DPP6: variants seen among roughly 807,000 people sequenced by gnomAD.
DPP6 encodes A-type potassium channel modulatory protein DPP6.
In DPP6, 69 loss-of-function variants were observed where a neutral mutation model predicts 122.6. The observed-to-expected ratio is 0.56, with a 90% CI of 0.46 to 0.69. The LOEUF (loss-of-function observed/expected upper bound fraction) is 0.69, where lower values mean the gene tolerates loss of function less well. Ranked by LOEUF, DPP6 falls within the 30% of genes least tolerant of loss-of-function variation. DPP6 has a pLI of 0.00. For missense variants in DPP6, 928 were observed against 1,116.9 expected (o/e 0.83, Z 2.41); for synonymous variants, 418 against 433.1 (o/e 0.97, Z 0.43).
chr7:154,000,728 T>C (rs1465052172), intron 1 of DPP6, among the ~76,000 whole-genome samples: 4 of 151,946 alleles, frequency 2.6e-5, no homozygotes, highest in African/African-American at 4.8e-5. Context: ...TACTTATGGG[T>C]GCCAGCTGCT....
the DPP6 span, among the ~76,000 whole-genome samples, chr7:153,811,540 C>A: frequency 6.6e-6 from 1 of 152,178 alleles, no homozygotes; most frequent in Non-Finnish European, 1.5e-5. Context: ...TCTTCAGGGA[C>A]CCTCTGCCAG....
chr7:153,970,550 A>G (rs1221541208), intron 1 of DPP6, among the ~76,000 whole-genome samples: 1 of 152,094 alleles, frequency 6.6e-6, no homozygotes, highest in Non-Finnish European at 1.5e-5. Flanking sequence ...GTCATACTCT[A>G]TTTAAGAAAG....
At chr7:154,093,598 CCA>C in intron 1 of DPP6, 2 of 133,114 alleles carry the variant, frequency 1.5e-5, no homozygotes, top group Non-Finnish European at 3.4e-5. Context: ...ACACCATACC[CCA>C]CACACACACC....
chr7:154,315,058 G>A (rs1228007627), intron 1 of DPP6, among the ~76,000 whole-genome samples: 2 of 152,156 alleles, frequency 1.3e-5, no homozygotes, highest in Admixed American at 6.5e-5. Context: ...TGAGTAATTC[G>A]TTATTTAATG....
At chr7:153,846,268 T>A in the DPP6 span, among the ~76,000 whole-genome samples, 1 of 152,234 alleles carries the variant, frequency 6.6e-6, no homozygotes, top group Non-Finnish European at 1.5e-5. Context: ...AATTAATTAT[T>A]CCCAGAAGTG....
At chr7:154,053,138 G>T in intron 1 of DPP6, 75 bp downstream of exon 1, 3 of 781,416 alleles carry the variant, frequency 3.8e-6, no homozygotes, top group Non-Finnish European at 4.7e-6. Flanking sequence ...GTCGGCAGGG[G>T]AAATTTTTTT....
At chr7:154,126,309 CT>C (rs769825045) in intron 1 of DPP6, among the ~76,000 whole-genome samples, 1 of 152,074 alleles carries the variant, frequency 6.6e-6, no homozygotes, top group Non-Finnish European at 1.5e-5. Context: ...GGAAATCGAC[CT>C]TTAAGTAGGG....
chr7:154,238,242 G>A (rs947829667), intron 1 of DPP6, among the ~76,000 whole-genome samples: 39 of 152,198 alleles, frequency 2.6e-4, no homozygotes, highest in African/African-American at 9.4e-4. Context: ...TGCTCAGGCA[G>A]TGTTTGATGG....
At chr7:154,064,121 G>A (rs1298042371) in intron 1 of DPP6, among the ~76,000 whole-genome samples, 3 of 152,138 alleles carry the variant, frequency 2.0e-5, no homozygotes, top group Non-Finnish European at 4.4e-5. Flanking sequence ...ACAGAGCCCT[G>A]CTGCAGGGAG....
chr7:153,936,379 C>T (rs1031914931), intron 1 of DPP6, among the ~76,000 whole-genome samples: 3 of 152,162 alleles, frequency 2.0e-5, no homozygotes, highest in Non-Finnish European at 4.4e-5. Context: ...GGGTGGGGAA[C>T]GTCCTGCAGC....
intron 3 of DPP6, among the ~76,000 whole-genome samples, chr7:154,479,037 T>A (rs1435215700): frequency 6.6e-6 from 1 of 152,218 alleles, no homozygotes; most frequent in Non-Finnish European, 1.5e-5. Flanking sequence ...GAGTTAACAG[T>A]CTGGAACTAA....
intron 1 of DPP6, among the ~76,000 whole-genome samples, chr7:154,188,298 T>C (rs1302289448): frequency 6.6e-6 from 1 of 152,002 alleles, no homozygotes; most frequent in African/African-American, 2.4e-5. Context: ...ATGAAACAAG[T>C]GAAAAAAATA....
At chr7:154,144,091 C>T (rs1434408228) in intron 1 of DPP6, among the ~76,000 whole-genome samples, 2 of 151,898 alleles carry the variant, frequency 1.3e-5, no homozygotes, top group African/African-American at 4.8e-5. Flanking sequence ...TTAATTGTTG[C>T]CAACCTAATA....
intron 3 of DPP6, among the ~76,000 whole-genome samples, chr7:154,485,613 C>G (rs1249388584): frequency 1.3e-5 from 2 of 152,218 alleles, no homozygotes; most frequent in African/African-American, 4.8e-5. Flanking sequence ...GCTTAAACTT[C>G]TGCAAAAGTT....
At chr7:154,340,838 G>A (rs1239108476) in intron 1 of DPP6, among the ~76,000 whole-genome samples, 1 of 152,156 alleles carries the variant, frequency 6.6e-6, no homozygotes, top group East Asian at 1.9e-4. Context: ...ACTTGCTTGA[G>A]GTCTTCTAGG....
the DPP6 span, among the ~76,000 whole-genome samples, chr7:153,789,461 G>T: frequency 6.6e-6 from 1 of 152,080 alleles, no homozygotes; most frequent in African/African-American, 2.4e-5. Flanking sequence ...AATACCTAAT[G>T]AGGTAGTCAG....
the DPP6 span, among the ~76,000 whole-genome samples, chr7:153,798,194 T>C: frequency 6.6e-6 from 1 of 152,184 alleles, no homozygotes. Context: ...CTCACCTTCA[T>C]GACCTCGTCT....
At chr7:154,026,571 G>A (rs568644341) in intron 1 of DPP6, 1 of 152,252 alleles carries the variant, frequency 6.6e-6, no homozygotes, top group South Asian at 2.1e-4. Context: ...CTGGAATGAA[G>A]GTCTGTACCA....
chr7:153,966,306 CAT>C (rs1795716129), intron 1 of DPP6, among the ~76,000 whole-genome samples: 1 of 151,280 alleles, frequency 6.6e-6, no homozygotes, highest in Non-Finnish European at 1.5e-5. Flanking sequence ...TGCATGTGTT[CAT>C]GTGTGTGTAA....
Sources: allele counts gnomAD v4.1 joint callset (sites outside exome capture counted in the v4.1 genomes callset), GRCh38; gene constraint gnomAD v4.1.1; transcripts MANE v1.5; gene names NCBI Gene and HGNC (gene_info 2026-07-23, HGNC 2026-07-21).